CNTN6: variants seen among roughly 807,000 people sequenced by gnomAD.
CNTN6 encodes contactin-6.
A neutral mutation model predicts 122.8 loss-of-function variants in CNTN6; 137 were observed. The ratio of observed to expected loss-of-function variants is 1.12; its 90% confidence interval spans 0.97 to 1.29. CNTN6 has a LOEUF of 1.29. CNTN6 is among the 50% of genes most tolerant of loss of function. The pLI is 0.00. For synonymous variants in CNTN6, 570 were observed against 426.0 expected, an observed-to-expected ratio of 1.34 and a Z score of -4.16; for missense variants, 1,634 against 1,223.4, an observed-to-expected ratio of 1.34 and a Z score of -5.01.
At chr3:1,286,816 T>C (rs80171318) in intron 5 of CNTN6, among the ~76,000 whole-genome samples, 1 of 151,976 alleles carries the variant, frequency 6.6e-6, no homozygotes, top group Non-Finnish European at 1.5e-5. Flanking sequence ...CAAAGACACA[T>C]AGGAGACCCA....
At chr3:1,131,422 TCC>T (rs2092333292) in intron 1 of CNTN6, among the ~76,000 whole-genome samples, 1 of 151,952 alleles carries the variant, frequency 6.6e-6, no homozygotes, top group East Asian at 1.9e-4. Flanking sequence ...GGGGTTGCTC[TCC>T]TTGACCTTGA....
At chr3:1,320,678 G>A (rs1464903838) in intron 7 of CNTN6, among the ~76,000 whole-genome samples, 2 of 151,722 alleles carry the variant, frequency 1.3e-5, no homozygotes, top group Non-Finnish European at 2.9e-5. Flanking sequence ...GAGGAAAGGA[G>A]AGATATTAAT....
intron 4 of CNTN6, among the ~76,000 whole-genome samples, chr3:1,245,317 T>TAAC (rs1334590220): frequency 7.9e-5 from 2 of 25,236 alleles, no homozygotes; most frequent in African/African-American, 2.8e-4. Context: ...TATATATATA[T>TAAC]ATATATATAT....
intron 4 of CNTN6, among the ~76,000 whole-genome samples, chr3:1,232,625 A>G (rs2094366713): frequency 6.6e-6 from 1 of 152,224 alleles, no homozygotes; most frequent in African/African-American, 2.4e-5. Context: ...AGAAGAATGA[A>G]CTAGCCTGCC....
rs192788644 is a variant in CNTN6, at chr3:1,322,682, G to A, written c.946+848G>A. Among the ~76,000 whole-genome samples the A allele has an allele frequency of 6.4e-4, 97 of 151,312 alleles. 2 individuals are homozygous for A. Among genetic ancestry groups the A allele is most frequent in the African/African-American group, 2.2e-3 (93 of 41,362 alleles). ...TGTGTGTAATAACTAGAAAAATCCA[G>A]GATACTGTAATTATCCCATAGGAAT... On this transcript the variant is annotated intron_variant, in intron 8 of 22. Coordinates refer to ENST00000446702, the MANE Select transcript of CNTN6 (RefSeq NM_001289080.2).
rs3864027 is a variant in CNTN6, at chr3:1,256,423, C to T, written c.359-21990C>T. 5.8e-3 allele frequency among the ~76,000 whole-genome samples: 876 copies of T among 151,844 alleles called. 10 individuals carry two copies. Among genetic ancestry groups the T allele is most frequent in the Middle Eastern group, 0.027 (8 of 294 alleles). ...TGAGAAAGAGGATAGTATCAAATAT[C>T]GCCAAATGGATAATTGATATTTATT... On this transcript the variant is annotated intron_variant, in intron 4 of 22. Transcript: ENST00000446702.
chr3:1,356,238 C>T (rs1233001219), intron 12 of CNTN6, among the ~76,000 whole-genome samples: 4 of 151,728 alleles, frequency 2.6e-5, no homozygotes, highest in African/African-American at 9.7e-5. Flanking sequence ...ATCTTGTTTG[C>T]AGGCAACATT....
At chr3:1,323,496 A>G (rs1398680434) in intron 8 of CNTN6, among the ~76,000 whole-genome samples, 5 of 151,804 alleles carry the variant, frequency 3.3e-5, no homozygotes, top group Non-Finnish European at 1.5e-5. Context: ...CACTTTCTGA[A>G]GTGCTTTCAA....
intron 12 of CNTN6, among the ~76,000 whole-genome samples, chr3:1,366,382 A>T (rs1272308890): frequency 6.6e-6 from 1 of 152,118 alleles, no homozygotes; most frequent in Non-Finnish European, 1.5e-5. Flanking sequence ...ATAAATACCG[A>T]GAAGTGTTTC....
intron 5 of CNTN6, among the ~76,000 whole-genome samples, chr3:1,279,093 C>A: frequency 6.6e-6 from 1 of 152,180 alleles, no homozygotes; most frequent in East Asian, 1.9e-4. Flanking sequence ...GATAGATCAC[C>A]ATTAACTGGA....
At chr3:1,108,481 T>C (rs1475540481) in intron 1 of CNTN6, among the ~76,000 whole-genome samples, 1 of 152,020 alleles carries the variant, frequency 6.6e-6, no homozygotes, top group African/African-American at 2.4e-5. Flanking sequence ...TGTGGAATTT[T>C]TCAGTTTGGA....
intron 1 of CNTN6, among the ~76,000 whole-genome samples, chr3:1,117,681 C>G (rs1423794219): frequency 6.6e-6 from 1 of 152,136 alleles, no homozygotes. Context: ...CTCCCTGCAT[C>G]TTTGAGGTTC....
chr3:1,098,142 G>GAGT (rs1282470759), intron 1 of CNTN6, among the ~76,000 whole-genome samples: 1 of 151,946 alleles, frequency 6.6e-6, no homozygotes. Context: ...GCTAGATGAC[G>GAGT]AGTTAGTGGG....
At chr3:1,156,360 T>A (rs1004966922) in intron 2 of CNTN6, among the ~76,000 whole-genome samples, 1 of 152,204 alleles carries the variant, frequency 6.6e-6, no homozygotes, top group East Asian at 1.9e-4. Context: ...TTGCTTAGAA[T>A]CAGGTCATTT....
chr3:1,292,245 C>T (rs184688882), intron 5 of CNTN6, among the ~76,000 whole-genome samples: 108 of 152,240 alleles, frequency 7.1e-4, no homozygotes, highest in South Asian at 1.2e-3. Flanking sequence ...TTTTATTTAA[C>T]TTTTTATGCG....
At chr3:1,310,280 T>A (rs1428699404) in intron 7 of CNTN6, among the ~76,000 whole-genome samples, 5 of 152,178 alleles carry the variant, frequency 3.3e-5, no homozygotes, top group Admixed American at 3.3e-4. Context: ...TTTATCAAGT[T>A]GGGGAGCTTC....
chr3:1,225,553 T>C (rs903160965), intron 3 of CNTN6, among the ~76,000 whole-genome samples: 1 of 152,202 alleles, frequency 6.6e-6, no homozygotes, highest in African/African-American at 2.4e-5. Flanking sequence ...AAACTAAATA[T>C]GGTATATCCT....
intron 20 of CNTN6, among the ~76,000 whole-genome samples, chr3:1,387,499 T>A (rs967390924): frequency 1.3e-5 from 2 of 152,230 alleles, no homozygotes; most frequent in Non-Finnish European, 2.9e-5. Flanking sequence ...GTTTTCAGAT[T>A]ACCTAGACAT....
chr3:1,298,133 G>C, intron 7 of CNTN6, 142 bp downstream of exon 7: 1 of 616,142 alleles, frequency 1.6e-6, no homozygotes, highest in East Asian at 2.8e-5. Flanking sequence ...TTTCTGATTT[G>C]AATTTAAACA....
Sources: allele counts gnomAD v4.1 joint callset (sites outside exome capture counted in the v4.1 genomes callset), GRCh38; gene constraint gnomAD v4.1.1; transcripts MANE v1.5; gene names NCBI Gene and HGNC (gene_info 2026-07-23, HGNC 2026-07-21).